Variants in DCSTAMP observed in about 807,000 individuals in gnomAD.
DCSTAMP encodes the protein dendrocyte expressed seven transmembrane protein, also known as dendritic cell-specific transmembrane protein.
In DCSTAMP, 25 loss-of-function variants were observed where a neutral mutation model predicts 33.8. The observed-to-expected ratio is 0.74, with a 90% CI of 0.54 to 1.03. The LOEUF is 1.03. DCSTAMP is among the 50% of genes least tolerant of loss of function. The pLI is 0.00. For synonymous variants in DCSTAMP, 245 were observed against 216.7 expected, an observed-to-expected ratio of 1.13 and a Z score of -1.15; for missense variants, 531 against 556.8, an observed-to-expected ratio of 0.95 and a Z score of 0.47.
At chr8:104,352,358 G>A (rs1230290621) in intron 2 of DCSTAMP, among the ~76,000 whole-genome samples, 2 of 152,184 alleles carry the variant, frequency 1.3e-5, no homozygotes, top group African/African-American at 2.4e-5. Context: ...TTGGAGCAGG[G>A]TGGATAATGG....
intron 2 of DCSTAMP, among the ~76,000 whole-genome samples, chr8:104,353,761 TG>T (rs747633869): frequency 4.6e-5 from 7 of 152,220 alleles, no homozygotes; most frequent in Non-Finnish European, 5.9e-5. Context: ...TGGGTGTAGT[TG>T]GGTTCTTTTT....
rs781541714 is a variant in DCSTAMP at position 104,354,966 on chromosome 8, A to G, written c.1119A>G (p.Leu373=). ...GTATCCCAAAACCAAAATTCCTTCT[A>G]TCTGAGACCTGGGTTCCTCTCAGTG... The part of the protein sequence containing the change: ...PNCIPKPKFL[L]SETWVPLSVI... Residue 373 remains leucine, a synonymous_variant, in exon 3 of 4, where the codon CTA becomes CTG. Coordinates refer to ENST00000297581, the MANE Select transcript of DCSTAMP (RefSeq NM_030788.4). The G allele has an allele frequency of 2.5e-6, 4 of 1,613,884 alleles. No homozygotes were observed. The highest frequency in any genetic ancestry group is 2.5e-6 in the Non-Finnish European group (3 of 1,179,738).
At chr8:104,348,256 C>T (rs73696748) in intron 1 of DCSTAMP, among the ~76,000 whole-genome samples, 4,012 of 152,276 alleles carry the variant, frequency 0.026, 70 homozygotes, top group African/African-American at 0.054. Context: ...CGTGAGAGCA[C>T]GTGGAGCGAG....
chr8:104,349,138 G>A lies in DCSTAMP; in HGVS notation c.586G>A (p.Val196Ile), dbSNP rs769902138. The change falls in exon 2 of 4, where the codon GTC becomes ATC. Residue 196 changes from valine to isoleucine, a missense_variant. Physicochemically the swap from Val to Ile is conservative, Grantham distance 29. Transcript: ENST00000297581. ...TGACAGCAAAGGGGAAGTCCTGAGC[G>A]TCTTGTACCAGATGGCAACAACCAC... Reference protein sequence around the residue: ...LNDSKGEVLSVLYQMATTTEV... With the variant: ...LNDSKGEVLSILYQMATTTEV... 4.2e-5 allele frequency: 68 copies of A among 1,614,060 alleles called. No individual in the cohort carries two copies. Among genetic ancestry groups the A allele is most frequent in the African/African-American group, 1.3e-4 (10 of 74,932 alleles).
rs753824907 is a variant in DCSTAMP, at chr8:104,348,951, C to A, written c.399C>A (p.Ser133Arg). 1.9e-6 allele frequency: 3 copies of A among 1,614,106 alleles called. No homozygotes were observed. In the African/African-American group the frequency reaches 4.0e-5, roughly 22 times the overall value. ...DGMTCNLRAKSFSIHFPLLKK... is the reference protein window; with the variant it reads ...DGMTCNLRAKRFSIHFPLLKK... ...TGACTTGCAACCTAAGGGCAAAGAG[C>A]TTTTCCATACATTTTCCACTTTTGA... is the stretch of plus-strand genomic sequence containing the variant. Residue 133 changes from serine (S) to arginine (R), a missense_variant, in exon 2 of 4, where the codon AGC (serine) becomes AGA (arginine). Transcript: ENST00000297581.
intron 1 of DCSTAMP, among the ~76,000 whole-genome samples, chr8:104,347,225 A>T (rs6992194): frequency 0.011 from 1,616 of 152,330 alleles, 21 homozygotes; most frequent in African/African-American, 0.035. Context: ...AAAAGAAAAG[A>T]TGATTATCTC....
chr8:104,351,630 TG>T (rs1312148252), intron 2 of DCSTAMP, among the ~76,000 whole-genome samples: 1 of 152,236 alleles, frequency 6.6e-6, no homozygotes, highest in Admixed American at 6.5e-5. Context: ...GGGTTATTCA[TG>T]AGCTTTCTGG....
chr8:104,355,088 G>A lies in DCSTAMP; in HGVS notation c.1241G>A (p.Arg414Lys). ...GCATCTTTCTACCCCAGCGTGGAGA[G>A]GAAGCGCATCCAATATCTGCATGCA... ...VSASFYPSVE[R>K]KRIQYLHAKL... Residue 414 changes from arginine (R) to lysine (K), a missense_variant, in exon 3 of 4, where the codon AGG becomes AAG. Arg to Lys is a conservative substitution (Grantham distance 26). Coordinates refer to ENST00000297581, the MANE Select transcript of DCSTAMP (RefSeq NM_030788.4). 1 of 1,614,044 alleles carries A rather than the reference G, an allele frequency of 6.2e-7. No individual in the cohort carries two copies. The highest frequency in any genetic ancestry group is 8.5e-7 in the Non-Finnish European group (1 of 1,180,002).
At position 104,356,227 on chromosome 8, in the gene DCSTAMP, G is replaced by A. The variant is rs770721642; in HGVS notation, c.*29G>A. ...ACCCCGACTACTCCTCAGCCACATC[G>A]CACCAACAATTCTCTTCAGGTCTAG... On this transcript the variant is annotated 3_prime_UTR_variant, in exon 4 of 4. Coordinates refer to ENST00000297581, the MANE Select transcript of DCSTAMP (RefSeq NM_030788.4). 5.2e-5 allele frequency: 83 copies of A among 1,597,142 alleles called. No homozygotes were observed. Among genetic ancestry groups the A allele is most frequent in the Middle Eastern group, 1.7e-4 (1 of 6,018 alleles).
At chr8:104,345,056 T>C (rs1810265666) in intron 1 of DCSTAMP, among the ~76,000 whole-genome samples, 1 of 152,006 alleles carries the variant, frequency 6.6e-6, no homozygotes, top group Non-Finnish European at 1.5e-5. Flanking sequence ...CACCTCAGTG[T>C]GGGATTATAG....
Position 104,356,249 on chromosome 8 carries a change from C to A in DCSTAMP, c.*51C>A. On this transcript the variant is annotated 3_prime_UTR_variant, in exon 4 of 4. Transcript: ENST00000297581. ...ATCGCACCAACAATTCTCTTCAGGT[C>A]TAGGATGGCAGTCACTATTCATGCC... 1 of 1,551,824 alleles carries A rather than the reference C, an allele frequency of 6.4e-7. No individual in the cohort carries two copies. The highest frequency in any genetic ancestry group is 1.2e-5 in the South Asian group (1 of 85,146).
rs1255992668 is a variant in DCSTAMP, at chr8:104,356,128, A to G, written c.1343A>G (p.His448Arg). The change falls in exon 4 of 4, where the codon CAT becomes CGT. Residue 448 changes from histidine to arginine, a missense_variant. By Grantham distance (29) the His-to-Arg change is conservative. Transcript: ENST00000297581. ...RRLSLYLTKI[H>R]FWLPVLKMIR... ...TCCACTTTTCTGTCTCTTCAGATTC[A>G]TTTCTGGCTTCCAGTCCTGAAAATG... The G allele has an allele frequency of 2.4e-5, 38 of 1,610,198 alleles. No homozygotes were observed. The highest frequency in any genetic ancestry group is 3.2e-5 in the Non-Finnish European group (38 of 1,178,462).
intron 1 of DCSTAMP, among the ~76,000 whole-genome samples, chr8:104,345,159 ATTC>A (rs976962278): frequency 4.6e-5 from 7 of 152,064 alleles, no homozygotes; most frequent in African/African-American, 1.4e-4. Context: ...GAGAATGGAC[ATTC>A]TTCATTTTCT....
At chr8:104,355,273 C>A in intron 3 of DCSTAMP, 88 bp downstream of exon 3, 1 of 1,353,088 alleles carries the variant, frequency 7.4e-7, no homozygotes, top group Non-Finnish European at 1.0e-6. Context: ...GCATTTAATG[C>A]TTCAACTTCA....
intron 2 of DCSTAMP, among the ~76,000 whole-genome samples, chr8:104,353,317 A>T (rs1375145460): frequency 6.6e-6 from 1 of 152,178 alleles, no homozygotes; most frequent in African/African-American, 2.4e-5. Context: ...ATTTTGGAAG[A>T]ATTAATTTGT....
At chr8:104,349,615 C>A (rs777258656) in intron 2 of DCSTAMP, 34 bp downstream of exon 2, 8 of 1,570,710 alleles carry the variant, frequency 5.1e-6, no homozygotes, top group Non-Finnish European at 6.9e-6. Flanking sequence ...TGGTTTATCC[C>A]GGCTATTTGC....
intron 2 of DCSTAMP, among the ~76,000 whole-genome samples, chr8:104,350,815 A>G (rs902124655): frequency 6.6e-6 from 1 of 152,230 alleles, no homozygotes; most frequent in African/African-American, 2.4e-5. Context: ...GCATCACTGC[A>G]GAGTTGAACT....
chr8:104,349,523 T>C lies in DCSTAMP; in HGVS notation c.971T>C (p.Val324Ala), dbSNP rs765325830. ...DYLLYRLIFS[V>A]SKQFQSLPGF... is the part of the protein sequence containing the mutation. ...CTGCTGTATCGGCTCATTTTCTCAG[T>C]GAGCAAGCAGTTTCAAAGCTTGCCA... Residue 324 changes from valine (V) to alanine (A), a missense_variant, in exon 2 of 4, where the codon GTG becomes GCG. By Grantham distance (64) the Val-to-Ala change is moderately conservative. Transcript: ENST00000297581. 3 of 1,613,916 alleles carry C rather than the reference T, an allele frequency of 1.9e-6. No homozygotes were observed. Among genetic ancestry groups the C allele is most frequent in the East Asian group, 2.2e-5 (1 of 44,882 alleles).
chr8:104,344,495 C>T (rs1588370012), intron 1 of DCSTAMP, among the ~76,000 whole-genome samples: 2 of 152,146 alleles, frequency 1.3e-5, no homozygotes, highest in African/African-American at 2.4e-5. Flanking sequence ...TATCCAACAG[C>T]GCTGAATTCT....
Sources: allele counts gnomAD v4.1 joint callset (sites outside exome capture counted in the v4.1 genomes callset), GRCh38; gene constraint gnomAD v4.1.1; transcripts MANE v1.5; gene names NCBI Gene and HGNC (gene_info 2026-07-23, HGNC 2026-07-21).